Variants in DOCK3 observed in about 807,000 individuals in gnomAD.
DOCK3 encodes the protein dedicator of cytokinesis protein 3.
Under a neutral mutation model 265.6 loss-of-function variants are expected in DOCK3, and 60 were observed. The observed-to-expected ratio is 0.23, with a 90% CI of 0.18 to 0.28. The LOEUF is 0.28. DOCK3 is among the 10% of genes least tolerant of loss of function. The pLI is 1.00. For missense variants in DOCK3, 1,981 were observed against 2,594.3 expected (o/e 0.76, Z 5.14); for synonymous variants, 881 against 938.0 (o/e 0.94, Z 1.11).
At chr3:51,199,558 A>G (rs903803242) in intron 12 of DOCK3, among the ~76,000 whole-genome samples, 1 of 152,236 alleles carries the variant, frequency 6.6e-6, no homozygotes. Flanking sequence ...GGTGGAGCCC[A>G]CCACAGCTCA....
At chr3:51,249,307 G>T (rs1486220831) in intron 22 of DOCK3, among the ~76,000 whole-genome samples, 1 of 132,448 alleles carries the variant, frequency 7.6e-6, no homozygotes. Flanking sequence ...CCAACCAGCC[G>T]CCCCGTCCGG....
chr3:50,854,327 T>C (rs1430827290), intron 3 of DOCK3, among the ~76,000 whole-genome samples: 1 of 152,058 alleles, frequency 6.6e-6, no homozygotes, highest in Non-Finnish European at 1.5e-5. Context: ...TTGTCTATTT[T>C]TGTTTTTTTC....
intron 5 of DOCK3, among the ~76,000 whole-genome samples, chr3:51,037,958 A>G (rs1326211690): frequency 1.3e-5 from 2 of 152,180 alleles, no homozygotes; most frequent in Non-Finnish European, 2.9e-5. Context: ...TGAAACATAG[A>G]AAAAAGAAGG....
intron 5 of DOCK3, among the ~76,000 whole-genome samples, chr3:50,966,627 G>A (rs1055428406): frequency 2.7e-5 from 4 of 150,834 alleles, no homozygotes; most frequent in Non-Finnish European, 5.9e-5. Context: ...GTTGCCATAT[G>A]TATATCTTTG....
chr3:50,862,961 T>C (rs947874429), intron 3 of DOCK3, among the ~76,000 whole-genome samples: 1 of 152,126 alleles, frequency 6.6e-6, no homozygotes, highest in African/African-American at 2.4e-5. Context: ...TCTGCAACAA[T>C]CGATGGGAGC....
chr3:51,068,115 G>A (rs1038085155), intron 6 of DOCK3, among the ~76,000 whole-genome samples: 4 of 152,164 alleles, frequency 2.6e-5, no homozygotes, highest in Admixed American at 1.3e-4. Context: ...CTCTTACACA[G>A]ACATTATAGC....
At chr3:50,810,129 T>G (rs2043653495) in intron 2 of DOCK3, among the ~76,000 whole-genome samples, 1 of 152,132 alleles carries the variant, frequency 6.6e-6, no homozygotes, top group African/African-American at 2.4e-5. Context: ...AGGGAGAACC[T>G]GTCTCAAAAA....
chr3:50,927,749 GAAGAGTGATAA>G (rs1190264459), intron 4 of DOCK3, among the ~76,000 whole-genome samples: 25 of 152,280 alleles, frequency 1.6e-4, no homozygotes, highest in Admixed American at 4.6e-4. Context: ...CCAGATGCAG[GAAGAGTGATAA>G]ATCAAGTATC....
At chr3:50,807,666 G>C (rs2043511198) in intron 2 of DOCK3, among the ~76,000 whole-genome samples, 1 of 152,222 alleles carries the variant, frequency 6.6e-6, no homozygotes, top group South Asian at 2.1e-4. Flanking sequence ...TATTTGATAT[G>C]ATTTTATGTG....
At chr3:51,003,723 G>T (rs1193596100) in intron 5 of DOCK3, among the ~76,000 whole-genome samples, 2 of 152,026 alleles carry the variant, frequency 1.3e-5, no homozygotes, top group South Asian at 2.1e-4. Flanking sequence ...TTGTCTCTTG[G>T]AATGTCTTCA....
intron 32 of DOCK3, among the ~76,000 whole-genome samples, chr3:51,325,854 C>G (rs1576809710): frequency 6.6e-6 from 1 of 152,010 alleles, no homozygotes; most frequent in Admixed American, 6.6e-5. Context: ...TAAGTGGGAG[C>G]TGAACAATGA....
intron 2 of DOCK3, among the ~76,000 whole-genome samples, chr3:50,820,725 T>C (rs1175982323): frequency 6.6e-6 from 1 of 152,160 alleles, no homozygotes; most frequent in African/African-American, 2.4e-5. Flanking sequence ...TTAAGTTCTT[T>C]GAGAAGTCAC....
intron 5 of DOCK3, among the ~76,000 whole-genome samples, chr3:51,029,852 G>T (rs543596078): frequency 6.6e-6 from 1 of 152,292 alleles, no homozygotes; most frequent in Admixed American, 6.5e-5. Context: ...CATGGCACCT[G>T]CCATCTCAGT....
chr3:51,273,476 G>A (rs1351965476), intron 24 of DOCK3, among the ~76,000 whole-genome samples: 1 of 152,106 alleles, frequency 6.6e-6, no homozygotes, highest in Non-Finnish European at 1.5e-5. Flanking sequence ...GTATAAGTTT[G>A]GTCTCTTCTT....
intron 38 of DOCK3, among the ~76,000 whole-genome samples, chr3:51,346,004 G>C (rs1187071027): frequency 1.3e-5 from 2 of 152,080 alleles, no homozygotes; most frequent in Admixed American, 6.6e-5. Context: ...ATGGATAAGG[G>C]TTTATTCTTC....
rs1272225816 is a variant in DOCK3, at chr3:50,890,072, G to C, written c.209G>C (p.Ser70Thr). ...ATTCACTTGAAAAAGGCAATTGTCA[G>C]TAATAGGGGGTGAGTAATTGGCCTT... is the stretch of plus-strand genomic sequence containing the variant. ...NYIHLKKAIV[S>T]NRGQYETVVP... The change falls in exon 4 of 53, where the codon AGT (serine) becomes ACT (threonine). Residue 70 changes from serine (S) to threonine (T), a missense_variant. Coordinates refer to ENST00000266037, the MANE Select transcript of DOCK3 (RefSeq NM_004947.5). 7.0e-7 allele frequency: 1 copy of C among 1,434,650 alleles called. No individual in the cohort carries two copies. Among genetic ancestry groups the C allele is most frequent in the Non-Finnish European group, 9.1e-7 (1 of 1,104,794 alleles). 88.9% of individuals were successfully genotyped at this position (1,434,650 alleles called of 1,614,324 possible). A position where few individuals can be genotyped will look rare whatever the true frequency, so the allele number is the denominator to read the frequency against.
chr3:50,768,775 T>A lies in DOCK3; in HGVS notation c.38-9900T>A, dbSNP rs930733116. Among the ~76,000 whole-genome samples the A allele has an allele frequency of 1.4e-4, 22 of 152,200 alleles. 1 individual carries two copies. The highest frequency in any genetic ancestry group is 4.8e-4 in the African/African-American group (20 of 41,442). ...TTTCCTTTGGATATATATGCAGTAG[T>A]GGGATTGTAGAATCATATGGTATTT... On this transcript the variant is annotated intron_variant, in intron 1 of 52. Coordinates refer to ENST00000266037, the MANE Select transcript of DOCK3 (RefSeq NM_004947.5).
chr3:50,712,720 T>C (rs1222368195), intron 1 of DOCK3, among the ~76,000 whole-genome samples: 2 of 152,234 alleles, frequency 1.3e-5, no homozygotes, highest in African/African-American at 4.8e-5. Flanking sequence ...ATTTCCTCTT[T>C]GACTCACTGG....
At chr3:51,264,491 A>G (rs2080045720) in intron 23 of DOCK3, among the ~76,000 whole-genome samples, 2 of 152,154 alleles carry the variant, frequency 1.3e-5, no homozygotes, top group Admixed American at 6.5e-5. Context: ...AGTTAAAAGA[A>G]CTAGAGAAGC....
Sources: allele counts gnomAD v4.1 joint callset (sites outside exome capture counted in the v4.1 genomes callset), GRCh38; gene constraint gnomAD v4.1.1; transcripts MANE v1.5; gene names NCBI Gene and HGNC (gene_info 2026-07-23, HGNC 2026-07-21).